WWOX: variants seen among roughly 807,000 people sequenced by gnomAD.
WWOX encodes WW domain containing oxidoreductase.
A neutral mutation model predicts 46.2 loss-of-function variants in WWOX; 69 were observed. The observed-to-expected ratio is 1.49, with a 90% CI of 1.23 to 1.82. The LOEUF (loss-of-function observed/expected upper bound fraction) is 1.82. Ranked by LOEUF, WWOX falls within the 40% of genes most tolerant of loss-of-function variation. The probability of loss-of-function intolerance (pLI) is 0.00; values close to 1 mark genes in which losing one functional copy is unlikely to be tolerated. For missense variants in WWOX, 919 were observed against 542.6 expected (o/e 1.69, Z -6.89); for synonymous variants, 359 against 202.6 (o/e 1.77, Z -6.56).
chr16:78,608,920 G>A (rs1192694229), intron 8 of WWOX, among the ~76,000 whole-genome samples: 1 of 152,076 alleles, frequency 6.6e-6, no homozygotes, highest in Admixed American at 6.5e-5. Flanking sequence ...CTATATGCTC[G>A]AAACGATTTA....
chr16:78,437,117 G>A (rs946858375), intron 8 of WWOX, among the ~76,000 whole-genome samples: 4 of 152,172 alleles, frequency 2.6e-5, no homozygotes, highest in Non-Finnish European at 5.9e-5. Context: ...GAGGTCAGGG[G>A]AGCAAGAAAT....
At chr16:78,239,159 C>A (rs1291331048) in intron 5 of WWOX, among the ~76,000 whole-genome samples, 1 of 152,212 alleles carries the variant, frequency 6.6e-6, no homozygotes, top group Non-Finnish European at 1.5e-5. Context: ...CTGACTTTGC[C>A]TCAGCCTCCC....
At chr16:78,261,736 A>G (rs192962283) in intron 5 of WWOX, among the ~76,000 whole-genome samples, 20,177 of 139,174 alleles carry the variant, frequency 0.14, 1,775 homozygotes, top group Admixed American at 0.16. Context: ...CCCATTTGCC[A>G]TGTGTGTGTG....
chr16:78,455,982 A>G lies in WWOX; in HGVS notation c.1056+23230A>G, dbSNP rs368322891. Reference sequence around the variant, plus strand: ...AGGCCGGCAGTGGCTATAGGCCAGGACCTGTGCTATGTAGCTTATCTATTT... The same window carrying G: ...AGGCCGGCAGTGGCTATAGGCCAGGGCCTGTGCTATGTAGCTTATCTATTT... On this transcript the variant is annotated intron_variant, in intron 8 of 8. Coordinates refer to ENST00000566780, the MANE Select transcript of WWOX (RefSeq NM_016373.4). 2.5e-4 allele frequency among the ~76,000 whole-genome samples: 38 copies of G among 152,350 alleles called. No individual in the cohort carries two copies. In the East Asian group the frequency reaches 7.3e-3, roughly 29 times the overall value.
intron 8 of WWOX, among the ~76,000 whole-genome samples, chr16:79,023,526 G>A (rs569615558): frequency 4.0e-4 from 61 of 152,264 alleles, no homozygotes; most frequent in African/African-American, 1.3e-3. Context: ...ATAGTGGGGC[G>A]TCCTTTAAGG....
chr16:78,372,323 T>C (rs897883607), intron 5 of WWOX, among the ~76,000 whole-genome samples: 7 of 152,180 alleles, frequency 4.6e-5, no homozygotes, highest in African/African-American at 1.7e-4. Flanking sequence ...TTCCTTATGG[T>C]CCTGTGGGTT....
At chr16:78,921,085 C>A (rs1017218163) in intron 8 of WWOX, among the ~76,000 whole-genome samples, 1 of 152,042 alleles carries the variant, frequency 6.6e-6, no homozygotes, top group African/African-American at 2.4e-5. Context: ...TACATTACAC[C>A]TTGTAGCAAG....
intron 8 of WWOX, among the ~76,000 whole-genome samples, chr16:78,498,285 A>C (rs534006335): frequency 1.6e-4 from 24 of 152,152 alleles, no homozygotes; most frequent in Non-Finnish European, 2.6e-4. Context: ...AGACTTCTTA[A>C]AGCGTATTTT....
chr16:78,932,095 C>T (rs1349731296), intron 8 of WWOX, among the ~76,000 whole-genome samples: 1 of 152,210 alleles, frequency 6.6e-6, no homozygotes, highest in South Asian at 2.1e-4. Context: ...TTATAAATTA[C>T]TCAGTCTCAG....
chr16:78,872,388 A>G (rs1456327614), intron 8 of WWOX, among the ~76,000 whole-genome samples: 1 of 152,218 alleles, frequency 6.6e-6, no homozygotes, highest in East Asian at 1.9e-4. Context: ...TAACGTCATT[A>G]TTATGAAAAT....
intron 8 of WWOX, chr16:78,551,171 A>G (rs960169180): frequency 2.6e-5 from 4 of 152,216 alleles, no homozygotes; most frequent in African/African-American, 7.2e-5. Context: ...AATTTATTCC[A>G]TGAAACAAAT....
At chr16:78,846,260 G>A (rs746831934) in intron 8 of WWOX, among the ~76,000 whole-genome samples, 7 of 152,190 alleles carry the variant, frequency 4.6e-5, no homozygotes, top group Non-Finnish European at 1.0e-4. Context: ...TCAGCACTGA[G>A]AAGTTAACCT....
At chr16:78,144,256 A>C (rs2034087398) in intron 4 of WWOX, among the ~76,000 whole-genome samples, 1 of 151,056 alleles carries the variant, frequency 6.6e-6, no homozygotes, top group Non-Finnish European at 1.5e-5. Context: ...TGGAGAAGTT[A>C]AGATTCATTT....
chr16:78,996,064 G>C, intron 8 of WWOX: 1 of 319,204 alleles, frequency 3.1e-6, no homozygotes, highest in Non-Finnish European at 4.5e-6. Flanking sequence ...TCCAAATCCA[G>C]ATCCAAAAAG....
rs536483564 is a variant in WWOX at position 78,367,258 on chromosome 16, C to T, written c.517-19602C>T. The stretch of plus-strand genomic sequence containing the variant: ...CCTCCCAAAGTGCTGGGATTACAGG[C>T]GTGAGCCACCGCACCCAGCCGAAAA... On this transcript the variant is annotated intron_variant, in intron 5 of 8. Coordinates refer to ENST00000566780, the MANE Select transcript of WWOX (RefSeq NM_016373.4). Among the ~76,000 whole-genome samples the T allele has an allele frequency of 4.6e-5, 7 of 152,126 alleles. No homozygotes were observed. The East Asian group carries it at 9.7e-4, about 21-fold the overall frequency.
At chr16:78,623,482 C>T (rs1030128348) in intron 8 of WWOX, among the ~76,000 whole-genome samples, 11 of 152,098 alleles carry the variant, frequency 7.2e-5, no homozygotes, top group Admixed American at 5.9e-4. Flanking sequence ...GAGTTCGAGA[C>T]CAGCCTGGGC....
At chr16:79,188,089 G>C (rs1475169441) in intron 8 of WWOX, among the ~76,000 whole-genome samples, 2 of 152,220 alleles carry the variant, frequency 1.3e-5, no homozygotes, top group African/African-American at 4.8e-5. Flanking sequence ...ATTGTGGGCA[G>C]TACAGTGTAG....
intron 8 of WWOX, among the ~76,000 whole-genome samples, chr16:78,605,601 C>G (rs1203106875): frequency 6.6e-6 from 1 of 152,172 alleles, no homozygotes; most frequent in Non-Finnish European, 1.5e-5. Flanking sequence ...CTAGAGCAAC[C>G]TAATTAACAA....
At position 79,212,059 on chromosome 16, in the gene WWOX, C is replaced by G. The variant is rs2288034; in HGVS notation, c.*263C>G. On this transcript the variant is annotated 3_prime_UTR_variant, in exon 9 of 9. Transcript: ENST00000566780. ...TGGCCTGTTTGAAAGTAAAAACCTG[C>G]TTGGTGTGTAGGTTCCGTATCTCCC... 916,903 of 1,535,842 alleles carry G rather than the reference C, an allele frequency of 0.6. 281,472 individuals are homozygous for G. The highest frequency in any genetic ancestry group is 0.64 in the Non-Finnish European group (736,564 of 1,146,774).
Sources: gnomAD v4.1 joint callset for allele counts (sites outside exome capture counted in the v4.1 genomes callset) on GRCh38, gnomAD v4.1.1 for gene constraint, MANE v1.5 for transcripts, NCBI Gene and HGNC (gene_info 2026-07-23, HGNC 2026-07-21) for gene names.